The following DOCK9 variants were observed in gnomAD, a reference collection of about 807,000 sequenced individuals.
DOCK9 encodes dedicator of cytokinesis 9.
A neutral mutation model predicts 263.3 loss-of-function variants in DOCK9; 89 were observed. That is an observed-to-expected ratio of 0.34 (90% CI 0.28 to 0.40). DOCK9 has a LOEUF of 0.40. Among genes scored for constraint, DOCK9 ranks in the 10% least tolerant of loss-of-function variants. DOCK9 has a pLI of 1.00. For missense variants in DOCK9, 2,140 were observed against 2,603.4 expected (o/e 0.82, Z 3.87); for synonymous variants, 976 against 973.1 (o/e 1.00, Z -0.06).
chr13:99,052,697 C>T (rs956214030), intron 1 of DOCK9, among the ~76,000 whole-genome samples: 4 of 151,840 alleles, frequency 2.6e-5, no homozygotes, highest in African/African-American at 4.8e-5. Flanking sequence ...AACTCCTGGG[C>T]TCAAGTGGTC....
chr13:98,887,125 TTATA>T lies in DOCK9; in HGVS notation c.2044-505_2044-502del, dbSNP rs1160298057. On this transcript the variant is annotated intron_variant, in intron 18 of 52. Transcript: ENST00000682017. Reference sequence around the variant, plus strand: ...ATTTCTTGAGGACAGATACTATATTTTATATATATATATATATATTTTTTTTTTT... The same window carrying T: ...ATTTCTTGAGGACAGATACTATATTTTATATATATATATATTTTTTTTTTT... Among the ~76,000 whole-genome samples, 24 of 102,520 alleles carry T rather than the reference TTATA, an allele frequency of 2.3e-4. No homozygotes were observed. In the East Asian group the frequency reaches 2.4e-3, roughly 10 times the overall value. The allele number at this position is 102,520 out of a possible 152,430, so 67.3% of individuals were successfully genotyped here.
chr13:98,947,767 A>G (rs2056914038), intron 2 of DOCK9, among the ~76,000 whole-genome samples: 1 of 152,188 alleles, frequency 6.6e-6, no homozygotes, highest in African/African-American at 2.4e-5. Flanking sequence ...CAGCCTCCCA[A>G]AGTGCTAGGA....
At chr13:98,858,443 A>G (rs2093761017) in intron 33 of DOCK9, 4 of 152,210 alleles carry the variant, frequency 2.6e-5, no homozygotes, top group Admixed American at 1.3e-4. Flanking sequence ...TGGAAACAGG[A>G]TTCTTCTAAC....
intron 52 of DOCK9, among the ~76,000 whole-genome samples, chr13:98,796,901 G>A (rs189288973): frequency 2.4e-4 from 36 of 152,192 alleles, no homozygotes; most frequent in Admixed American, 1.8e-3. Context: ...AGGCGGGCCC[G>A]CTCTCCCCTG....
At chr13:98,811,275 G>C (rs1658740511) in intron 45 of DOCK9, among the ~76,000 whole-genome samples, 2 of 152,088 alleles carry the variant, frequency 1.3e-5, no homozygotes, top group Admixed American at 6.5e-5. Context: ...ATATGGCTTT[G>C]GTAAAGTGTC....
intron 9 of DOCK9, among the ~76,000 whole-genome samples, chr13:98,908,548 T>C (rs1014072066): frequency 2.0e-5 from 3 of 152,206 alleles, no homozygotes; most frequent in Admixed American, 1.3e-4. Context: ...CTGATATGTA[T>C]GTAAGGGGGA....
At chr13:99,042,974 A>G (rs903845059) in intron 1 of DOCK9, among the ~76,000 whole-genome samples, 7 of 152,202 alleles carry the variant, frequency 4.6e-5, no homozygotes, top group Non-Finnish European at 1.0e-4. Flanking sequence ...CAAGGCCCCA[A>G]GCAGCTATGG....
Position 98,810,201 on chromosome 13 carries a change from T to C in DOCK9, c.5221A>G (p.Ile1741Val). 2 of 1,613,948 alleles carry C rather than the reference T, an allele frequency of 1.2e-6. No individual in the cohort carries two copies. Among genetic ancestry groups the C allele is most frequent in the Non-Finnish European group, 1.7e-6 (2 of 1,179,890 alleles). Reference protein sequence around the residue: ...ELIADIYKLIIPIYEKRRDFE... With the variant: ...ELIADIYKLIVPIYEKRRDFE... The stretch of plus-strand genomic sequence containing the variant: ...TCCCTCCGCTTCTCATAAATGGGGA[T>C]GATAAGTTTGTAGATGTCGGCGATG... The change falls in exon 46 of 53, where the codon ATC (isoleucine) becomes GTC (valine). Residue 1741 changes from isoleucine to valine, a missense_variant. By Grantham distance (29) the Ile-to-Val change is conservative. Transcript: ENST00000682017.
chr13:98,843,280 A>G (rs1160365050), intron 38 of DOCK9, among the ~76,000 whole-genome samples: 3 of 152,226 alleles, frequency 2.0e-5, no homozygotes, highest in African/African-American at 4.8e-5. Flanking sequence ...ATTTGTTGTT[A>G]AATGGGATTT....
At chr13:98,945,435 G>A (rs2056576994) in intron 2 of DOCK9, among the ~76,000 whole-genome samples, 1 of 152,060 alleles carries the variant, frequency 6.6e-6, no homozygotes, top group African/African-American at 2.4e-5. Context: ...AGTGTGCCCT[G>A]GTACTCCTCA....
chr13:98,860,313 A>C (rs1380244919), intron 33 of DOCK9, 92 bp downstream of exon 33: 1 of 1,532,660 alleles, frequency 6.5e-7, no homozygotes, highest in African/African-American at 1.4e-5. Context: ...TCAAGGTCCT[A>C]CCACACAAGT....
chr13:98,920,021 G>C (rs2051640482), intron 7 of DOCK9, among the ~76,000 whole-genome samples: 2 of 152,162 alleles, frequency 1.3e-5, no homozygotes, highest in South Asian at 4.1e-4. Flanking sequence ...GAATGGAGGG[G>C]TGGACAGATG....
At chr13:99,069,770 T>A (rs772854126) in intron 1 of DOCK9, among the ~76,000 whole-genome samples, 4 of 152,236 alleles carry the variant, frequency 2.6e-5, no homozygotes, top group Non-Finnish European at 4.4e-5. Context: ...AAAAAATATG[T>A]TTAATGATTC....
intron 1 of DOCK9, among the ~76,000 whole-genome samples, chr13:99,071,991 C>A (rs887149825): frequency 5.9e-5 from 9 of 152,278 alleles, no homozygotes; most frequent in Middle Eastern, 3.4e-3. Flanking sequence ...TGTCTATTAG[C>A]GCTTGAATTT....
intron 1 of DOCK9, among the ~76,000 whole-genome samples, chr13:99,051,467 G>A (rs1374140444): frequency 6.6e-6 from 1 of 151,964 alleles, no homozygotes; most frequent in Non-Finnish European, 1.5e-5. Context: ...CTTGAACCTC[G>A]CAATGGAAAC....
At chr13:98,950,690 T>G (rs1267294662) in intron 2 of DOCK9, among the ~76,000 whole-genome samples, 1 of 152,230 alleles carries the variant, frequency 6.6e-6, no homozygotes, top group Admixed American at 6.5e-5. Flanking sequence ...GAAATATGAA[T>G]GGTAGCTTAA....
At chr13:99,049,295 T>TA (rs1248721218) in intron 1 of DOCK9, among the ~76,000 whole-genome samples, 1 of 151,998 alleles carries the variant, frequency 6.6e-6, no homozygotes, top group Non-Finnish European at 1.5e-5. Context: ...CAAAAGGAGG[T>TA]AGCAGGCAAT....
intron 1 of DOCK9, among the ~76,000 whole-genome samples, chr13:98,969,668 G>A (rs1277809862): frequency 6.6e-6 from 1 of 152,186 alleles, no homozygotes; most frequent in African/African-American, 2.4e-5. Context: ...TGGGAAATGT[G>A]GGGAGAGGGT....
chr13:99,052,423 AT>A (rs1437812281), intron 1 of DOCK9, among the ~76,000 whole-genome samples: 2 of 152,166 alleles, frequency 1.3e-5, no homozygotes, highest in Non-Finnish European at 2.9e-5. Context: ...ATCCTAAATG[AT>A]TTCAAAGTAC....
Sources: allele counts gnomAD v4.1 joint callset (sites outside exome capture counted in the v4.1 genomes callset), GRCh38; gene constraint gnomAD v4.1.1; transcripts MANE v1.5; gene names NCBI Gene and HGNC (gene_info 2026-07-23, HGNC 2026-07-21).